SMURF2: variants seen among roughly 807,000 people sequenced by gnomAD.
The protein encoded by SMURF2 is E3 ubiquitin-protein ligase SMURF2.
SMURF2 carries 48 observed loss-of-function variants against 109.6 expected under a neutral mutation model. The ratio of observed to expected loss-of-function variants is 0.44; its 90% CI spans 0.35 to 0.56. The LOEUF is 0.56. Ranked by LOEUF, SMURF2 falls within the 20% of genes least tolerant of loss-of-function variation. The pLI, the probability that SMURF2 is intolerant of heterozygous loss-of-function variation, is 0.01. For synonymous variants in SMURF2, 288 were observed against 317.1 expected (o/e 0.91, Z 0.97); for missense variants, 575 against 909.0 (o/e 0.63, Z 4.72).
rs1243731210 is a variant in SMURF2 at position 64,549,310 on chromosome 17, GTGGTGGTGCAC to G, written c.1870-1520_1870-1510del. 2.7e-5 allele frequency among the ~76,000 whole-genome samples: 4 copies of G among 148,642 alleles called. No individual in the cohort carries two copies. In the East Asian group the frequency reaches 7.9e-4, roughly 29 times the overall value. The stretch of plus-strand genomic sequence containing the variant: ...AAAGCCAAAATAATGTTAGCCAGGC[GTGGTGGTGCAC>G]ACCTGTAGTACCAGTTACTGGGGAG... On this transcript the variant is annotated intron_variant, in intron 16 of 18. Coordinates refer to ENST00000262435, the MANE Select transcript of SMURF2 (RefSeq NM_022739.4).
intron 12 of SMURF2, among the ~76,000 whole-genome samples, chr17:64,558,702 A>G (rs1244727255): frequency 3.3e-5 from 5 of 152,188 alleles, no homozygotes; most frequent in East Asian, 1.9e-4. Flanking sequence ...ATGTAAATCA[A>G]TGTTTTTAAA....
chr17:64,639,567 ACT>A (rs1555692413), intron 1 of SMURF2, among the ~76,000 whole-genome samples: 1 of 151,864 alleles, frequency 6.6e-6, no homozygotes, highest in Non-Finnish European at 1.5e-5. Context: ...ACAGAGCGAG[ACT>A]CTGACTCAAA....
At chr17:64,593,089 T>C (rs1413732105) in intron 4 of SMURF2, 5 of 153,028 alleles carry the variant, frequency 3.3e-5, no homozygotes, top group African/African-American at 1.2e-4. Flanking sequence ...GGCATATACA[T>C]CCTGATACCT....
intron 1 of SMURF2, among the ~76,000 whole-genome samples, chr17:64,659,013 C>T (rs1401823143): frequency 1.3e-5 from 2 of 152,154 alleles, no homozygotes; most frequent in African/African-American, 2.4e-5. Flanking sequence ...TAAATTAGCC[C>T]CACCTTCTTA....
chr17:64,635,154 C>T (rs1004597636), intron 1 of SMURF2, among the ~76,000 whole-genome samples: 13 of 151,880 alleles, frequency 8.6e-5, no homozygotes, highest in African/African-American at 3.1e-4. Flanking sequence ...TGGTGAAATT[C>T]CATCTCTATT....
Position 64,648,163 on chromosome 17 carries a change from A to T in SMURF2, c.52+13666T>A, listed in dbSNP as rs1473244617. Among the ~76,000 whole-genome samples the T allele has an allele frequency of 1.3e-4, 19 of 151,122 alleles. 1 individual carries two copies. On this transcript the variant is annotated intron_variant, in intron 1 of 18. Coordinates refer to ENST00000262435, the MANE Select transcript of SMURF2 (RefSeq NM_022739.4). The stretch of plus-strand genomic sequence containing the variant: ...TAAAACCATAGAACTCTAAAAAAAA[A>T]TGTTAAATTATCTTCCTAACATTGA...
At chr17:64,580,719 T>C (rs1969566201) in intron 8 of SMURF2, 70 bp downstream of exon 8, 2 of 1,451,132 alleles carry the variant, frequency 1.4e-6, no homozygotes, top group Non-Finnish European at 9.6e-7. Context: ...TTTCAAAATA[T>C]ATTTTCTGAC....
At chr17:64,559,091 C>T (rs1405373360) in intron 12 of SMURF2, among the ~76,000 whole-genome samples, 1 of 152,128 alleles carries the variant, frequency 6.6e-6, no homozygotes, top group African/African-American at 2.4e-5. Flanking sequence ...CAACATAACA[C>T]TCATCTGATG....
intron 2 of SMURF2, among the ~76,000 whole-genome samples, chr17:64,604,401 C>T (rs1203266509): frequency 6.6e-6 from 1 of 152,120 alleles, no homozygotes; most frequent in Non-Finnish European, 1.5e-5. Flanking sequence ...CTTTCTTTCA[C>T]TTACAATTTA....
intron 5 of SMURF2, among the ~76,000 whole-genome samples, chr17:64,590,193 G>A (rs114374577): frequency 6.9e-6 from 1 of 145,972 alleles, no homozygotes; most frequent in African/African-American, 2.6e-5. Context: ...CCCAGCTGGA[G>A]TGCAATGGTG....
At chr17:64,560,286 C>CA (rs1330633026) in intron 12 of SMURF2, among the ~76,000 whole-genome samples, 1 of 152,008 alleles carries the variant, frequency 6.6e-6, no homozygotes, top group Non-Finnish European at 1.5e-5. Context: ...ACTTAGATGC[C>CA]ACCAGTAGTT....
At chr17:64,636,787 A>G (rs1430694509) in intron 1 of SMURF2, among the ~76,000 whole-genome samples, 5 of 115,732 alleles carry the variant, frequency 4.3e-5, no homozygotes, top group Non-Finnish European at 8.8e-5. Context: ...TCAAAAAAAG[A>G]AAAAAAAAAA....
At chr17:64,627,948 A>G (rs1316212289) in intron 1 of SMURF2, among the ~76,000 whole-genome samples, 6 of 152,160 alleles carry the variant, frequency 3.9e-5, no homozygotes, top group African/African-American at 1.4e-4. Context: ...TTGGCAATAA[A>G]GTTTTTTCAC....
intron 9 of SMURF2, among the ~76,000 whole-genome samples, chr17:64,577,413 G>A (rs150836225): frequency 1.1e-3 from 167 of 152,002 alleles, no homozygotes; most frequent in African/African-American, 3.5e-3. Context: ...GTGGGGTGGG[G>A]GGAAGGGGGA....
At chr17:64,626,808 CTT>C (rs1329052582) in intron 1 of SMURF2, among the ~76,000 whole-genome samples, 1 of 151,938 alleles carries the variant, frequency 6.6e-6, no homozygotes, top group African/African-American at 2.4e-5. Flanking sequence ...CACAATCTCA[CTT>C]TGTCATTAAA....
intron 1 of SMURF2, among the ~76,000 whole-genome samples, chr17:64,609,003 AACAG>A (rs1439087734): frequency 6.6e-6 from 1 of 152,192 alleles, no homozygotes; most frequent in Non-Finnish European, 1.5e-5. Flanking sequence ...ATACACCAAT[AACAG>A]ACAAACAGAG....
Position 64,569,638 on chromosome 17 carries a change from T to C in SMURF2, c.1016+2160A>G, listed in dbSNP as rs569150988. On this transcript the variant is annotated intron_variant, in intron 10 of 18. Transcript: ENST00000262435. ...AGGAAAATTCAAGTTAAAGTTACAA[T>C]GGGAAACCATTAAACATCATCAGAA... Among the ~76,000 whole-genome samples the C allele has an allele frequency of 8.5e-5, 13 of 152,276 alleles. No individual in the cohort carries two copies. In the East Asian group the frequency reaches 2.5e-3, roughly 29 times the overall value.
chr17:64,559,445 T>A (rs1969177971), intron 12 of SMURF2, among the ~76,000 whole-genome samples: 1 of 151,542 alleles, frequency 6.6e-6, no homozygotes, highest in Non-Finnish European at 1.5e-5. Flanking sequence ...AATACAAAAA[T>A]TAGCTAGGCG....
At chr17:64,588,266 G>A (rs1555687320) in intron 5 of SMURF2, among the ~76,000 whole-genome samples, 1 of 151,994 alleles carries the variant, frequency 6.6e-6, no homozygotes, top group Non-Finnish European at 1.5e-5. Context: ...CAATGTAGCT[G>A]GGGCATAACA....
Sources: allele counts gnomAD v4.1 joint callset (sites outside exome capture counted in the v4.1 genomes callset), GRCh38; gene constraint gnomAD v4.1.1; transcripts MANE v1.5; gene names NCBI Gene and HGNC (gene_info 2026-07-23, HGNC 2026-07-21).